Variants in SLC25A26 observed in about 807,000 individuals in gnomAD.
SLC25A26 encodes solute carrier family 25 member 26.
A neutral mutation model predicts 37.8 loss-of-function variants in SLC25A26; 36 were observed. The ratio of observed to expected loss-of-function variants is 0.95; its 90% CI spans 0.73 to 1.26. The LOEUF (loss-of-function observed/expected upper bound fraction) is 1.26, where lower values mean the gene tolerates loss of function less well. Ranked by LOEUF, SLC25A26 falls within the 50% of genes most tolerant of loss-of-function variation. SLC25A26 has a pLI of 0.00. For missense variants in SLC25A26, 390 were observed against 331.1 expected (o/e 1.18, Z -1.38); for synonymous variants, 129 against 122.5 (o/e 1.05, Z -0.35).
At chr3:66,267,538 G>A (rs2073801102) in intron 5 of SLC25A26, among the ~76,000 whole-genome samples, 1 of 152,162 alleles carries the variant, frequency 6.6e-6, no homozygotes, top group Non-Finnish European at 1.5e-5. Flanking sequence ...TAACTTGCTG[G>A]TATCTGACTC....
chr3:66,150,502 C>CA (rs1164916576), intron 1 of SLC25A26, among the ~76,000 whole-genome samples: 23 of 53,606 alleles, frequency 4.3e-4, no homozygotes, highest in Non-Finnish European at 5.4e-4. Context: ...TATCTCAAGA[C>CA]AAAAAAATAT....
upstream of SLC25A26, among the ~76,000 whole-genome samples, chr3:66,218,220 A>G (rs903759903): frequency 2.0e-5 from 3 of 152,328 alleles, no homozygotes; most frequent in Admixed American, 6.5e-5. Context: ...ATGTATCATA[A>G]TATGTTTATA....
intron 1 of SLC25A26, 61 bp downstream of exon 1, chr3:66,221,188 G>T (rs533302956): frequency 6.8e-7 from 1 of 1,478,464 alleles, no homozygotes; most frequent in Non-Finnish European, 9.0e-7. Context: ...TGGAGCCCGC[G>T]GGCGTTCTCT....
At chr3:66,274,523 G>A (rs1576768528) in intron 5 of SLC25A26, among the ~76,000 whole-genome samples, 2 of 152,188 alleles carry the variant, frequency 1.3e-5, no homozygotes, top group Admixed American at 6.5e-5. Context: ...CTAATATCCG[G>A]AATCTACAAT....
chr3:66,322,668 C>A (rs1031205397), intron 5 of SLC25A26, among the ~76,000 whole-genome samples: 6 of 152,182 alleles, frequency 3.9e-5, no homozygotes, highest in African/African-American at 1.4e-4. Flanking sequence ...CAAGCATGGG[C>A]AAATGAATGT....
At chr3:66,294,334 A>G (rs866182291) in intron 5 of SLC25A26, among the ~76,000 whole-genome samples, 17 of 152,184 alleles carry the variant, frequency 1.1e-4, no homozygotes, top group South Asian at 4.1e-4. Context: ...TTGCCGGTGT[A>G]TAGGAATGCT....
At chr3:66,199,196 G>A (rs1224731428) in intron 1 of SLC25A26, among the ~76,000 whole-genome samples, 1 of 151,656 alleles carries the variant, frequency 6.6e-6, no homozygotes, top group Non-Finnish European at 1.5e-5. Context: ...TCCTGATGCT[G>A]ACTCTGACCC....
At chr3:66,236,498 T>G (rs1356789647) in intron 1 of SLC25A26, 46 bp from the exon 2 acceptor site, 2 of 1,421,424 alleles carry the variant, frequency 1.4e-6, no homozygotes, top group Non-Finnish European at 1.9e-6. Context: ...GCTTATTTTG[T>G]TGTAACCTTT....
intron 1 of SLC25A26, among the ~76,000 whole-genome samples, chr3:66,164,814 T>G (rs1648477365): frequency 6.6e-6 from 1 of 152,126 alleles, no homozygotes; most frequent in Non-Finnish European, 1.5e-5. Context: ...CTGCACAAAA[T>G]CAGGGTTCTC....
At chr3:66,297,647 C>G (rs780420739) in intron 5 of SLC25A26, among the ~76,000 whole-genome samples, 1 of 152,156 alleles carries the variant, frequency 6.6e-6, no homozygotes, top group Non-Finnish European at 1.5e-5. Context: ...TAATCCAGAT[C>G]ACAGCCTGTT....
At chr3:66,143,644 G>A (rs2070071187) in intron 1 of SLC25A26, among the ~76,000 whole-genome samples, 1 of 152,232 alleles carries the variant, frequency 6.6e-6, no homozygotes, top group Non-Finnish European at 1.5e-5. Context: ...AGGACTTTGG[G>A]AGGCCAAGGT....
In SLC25A26 at chr3:66,362,852, A is replaced by T; in HGVS notation, c.499-8A>T. 1 of 1,586,808 alleles carries T rather than the reference A, an allele frequency of 6.3e-7. No homozygotes were observed. Among genetic ancestry groups the T allele is most frequent in the African/African-American group, 1.4e-5 (1 of 73,990 alleles). On this transcript the variant is annotated splice_polypyrimidine_tract_variant and splice_region_variant and intron_variant, in intron 6 of 9. Transcript: ENST00000354883. ...ATAACTTGTATTTTTCTTTCTCCTT[A>T]AACACAGGCCCTCTGGTCCTGGAGG...
At chr3:66,336,274 A>C (rs1034719263) in intron 5 of SLC25A26, among the ~76,000 whole-genome samples, 3 of 152,016 alleles carry the variant, frequency 2.0e-5, no homozygotes, top group Non-Finnish European at 4.4e-5. Context: ...AATAAAATCT[A>C]CCTTTTATTG....
At chr3:66,327,085 T>G (rs1307475730) in intron 5 of SLC25A26, among the ~76,000 whole-genome samples, 3 of 152,226 alleles carry the variant, frequency 2.0e-5, no homozygotes, top group Admixed American at 1.3e-4. Context: ...GAATGACTTC[T>G]GCTCTTTTAG....
At chr3:66,306,130 G>A (rs1265365541) in intron 5 of SLC25A26, among the ~76,000 whole-genome samples, 1 of 152,074 alleles carries the variant, frequency 6.6e-6, no homozygotes, top group East Asian at 1.9e-4. Context: ...GACTACAGGT[G>A]TGCACCACCA....
At chr3:66,321,355 A>G (rs955450572) in intron 5 of SLC25A26, among the ~76,000 whole-genome samples, 1 of 152,164 alleles carries the variant, frequency 6.6e-6, no homozygotes, top group African/African-American at 2.4e-5. Context: ...ATCTTGGCTC[A>G]GTTGCAGTGT....
intron 5 of SLC25A26, among the ~76,000 whole-genome samples, chr3:66,264,990 C>T (rs182858535): frequency 1.2e-4 from 18 of 152,304 alleles, no homozygotes; most frequent in African/African-American, 4.3e-4. Context: ...AGTTTACCAT[C>T]ACTAAGTAGT....
At chr3:66,242,553 G>T (rs2072630905) in intron 2 of SLC25A26, among the ~76,000 whole-genome samples, 1 of 152,070 alleles carries the variant, frequency 6.6e-6, no homozygotes, top group South Asian at 2.1e-4. Flanking sequence ...TTTATCTCTT[G>T]TGCCTTATCT....
At chr3:66,209,894 C>CTATT (rs1183392559) in intron 1 of SLC25A26, among the ~76,000 whole-genome samples, 11 of 13,182 alleles carry the variant, frequency 8.3e-4, no homozygotes, top group Non-Finnish European at 1.5e-3. Flanking sequence ...CTCTCTCTCT[C>CTATT]TATTTATATA....
Sources: gnomAD v4.1 joint callset for allele counts (sites outside exome capture counted in the v4.1 genomes callset) on GRCh38, gnomAD v4.1.1 for gene constraint, MANE v1.5 for transcripts, NCBI Gene and HGNC (gene_info 2026-07-23, HGNC 2026-07-21) for gene names.